Variants in MYL3 observed in about 807,000 individuals in gnomAD.
MYL3 encodes the protein myosin light chain 3.
In MYL3, 11 loss-of-function variants were observed where a neutral mutation model predicts 21.3. The ratio of observed to expected loss-of-function variants is 0.52; its 90% confidence interval spans 0.32 to 0.85. The LOEUF is 0.85. Among genes scored for constraint, MYL3 ranks in the 40% least tolerant of loss-of-function variants. The pLI is 0.03. For synonymous variants in MYL3, 88 were observed against 91.6 expected (o/e 0.96, Z 0.22); for missense variants, 206 against 253.3 (o/e 0.81, Z 1.27).
In MYL3 at chr3:46,859,654, G is replaced by A; in HGVS notation, c.308-6C>T. ...CATCATCTTGGTATTGAGCTCTGCA[G>A]AGAAATGGTCCCAGGTTCCAGGGTC... On this transcript the variant is annotated splice_region_variant and splice_polypyrimidine_tract_variant and intron_variant, in intron 3 of 6. Transcript: ENST00000292327. This position sits in a 1 kb window ranked among gnomAD's most constrained non-coding sequence, Gnocchi z 4.1. 6.2e-7 allele frequency: 1 copy of A among 1,614,178 alleles called. No individual in the cohort carries two copies. Among genetic ancestry groups the A allele is most frequent in the Non-Finnish European group, 8.5e-7 (1 of 1,180,008 alleles).
At chr3:46,873,211 G>A (rs1575501341) in intron 1 of MYL3, among the ~76,000 whole-genome samples, 2 of 152,350 alleles carry the variant, frequency 1.3e-5, no homozygotes, top group Admixed American at 1.3e-4. Flanking sequence ...GCATACAAGA[G>A]CCACCCAGGC....
upstream of MYL3, among the ~76,000 whole-genome samples, chr3:46,864,247 G>T (rs151130026): frequency 2.9e-3 from 439 of 152,190 alleles, 2 homozygotes; most frequent in Middle Eastern, 0.017. This position sits in a 1 kb window ranked among gnomAD's most constrained non-coding sequence, Gnocchi z 4.7. Context: ...ACATGTGTCT[G>T]TATGTGAGTG....
chr3:46,874,354 C>T lies in MYL3; in HGVS notation c.-218+7720G>A, dbSNP rs768291391. ...CATTTAGAGTGAGAGGAAACTGAGGCCCAGAGATTTGGCAAGGCACGACAA... is the reference window on the plus strand; with the variant it reads ...CATTTAGAGTGAGAGGAAACTGAGGTCCAGAGATTTGGCAAGGCACGACAA... On this transcript the variant is annotated intron_variant, in intron 1 of 3. Coordinates refer to the MYL3 transcript ENST00000431168. This position sits in a 1 kb window ranked among gnomAD's most constrained non-coding sequence, Gnocchi z 4.1. 1.3e-5 allele frequency among the ~76,000 whole-genome samples: 2 copies of T among 152,102 alleles called. No individual in the cohort carries two copies. The highest frequency in any genetic ancestry group is 2.9e-5 in the Non-Finnish European group (2 of 68,020).
chr3:46,866,759 C>G (rs1293696130), upstream of MYL3, among the ~76,000 whole-genome samples: 3 of 152,180 alleles, frequency 2.0e-5, no homozygotes, highest in African/African-American at 7.2e-5. Context: ...GACAGGAGCT[C>G]TGGCGGTGCA....
rs569244804 is a variant in MYL3 at position 46,861,210 on chromosome 3, G to A, written c.130-223C>T. Among the ~76,000 whole-genome samples, 58 of 152,110 alleles carry A rather than the reference G, an allele frequency of 3.8e-4. No homozygotes were observed. The highest frequency in any genetic ancestry group is 6.6e-4 in the Non-Finnish European group (45 of 68,010). ...AGAAGGCCTTGAGGCTGTGTGCACC[G>A]AGGCCCTGATGCTCGGTGGACCCTG... On this transcript the variant is annotated intron_variant, in intron 1 of 6. Transcript: ENST00000292327. The surrounding 1 kb of genome is among the most constrained non-coding windows in gnomAD (Gnocchi z 4.2).
rs1182988155 is a variant in MYL3 at position 46,874,437 on chromosome 3, G to C, written c.-218+7637C>G. On this transcript the variant is annotated intron_variant, in intron 1 of 3. Coordinates refer to the MYL3 transcript ENST00000431168. This position sits in a 1 kb window ranked among gnomAD's most constrained non-coding sequence, Gnocchi z 4.1. The stretch of plus-strand genomic sequence containing the variant: ...TAACAGGGCAGGAGTGTCAGGACTA[G>C]GGGTTCTCCACTCGAGGGCTCCCGG... Among the ~76,000 whole-genome samples the C allele has an allele frequency of 6.6e-6, 1 of 152,166 alleles. No homozygotes were observed. Among genetic ancestry groups the C allele is most frequent in the Admixed American group, 6.5e-5 (1 of 15,282 alleles).
intron 1 of MYL3, among the ~76,000 whole-genome samples, chr3:46,870,515 G>A (rs1422637782): frequency 7.2e-5 from 11 of 152,004 alleles, no homozygotes; most frequent in Admixed American, 2.0e-4. Flanking sequence ...CTCTGCCCCC[G>A]CCAGAACCAG....
In MYL3 at chr3:46,879,702, G is replaced by A. The variant is rs145974750; in HGVS notation, c.-218+2372C>T. On this transcript the variant is annotated intron_variant, in intron 1 of 3. Coordinates refer to the MYL3 transcript ENST00000431168. This position sits in a 1 kb window ranked among gnomAD's most constrained non-coding sequence, Gnocchi z 4.7. ...GTCAAGGCTGCTGTGAGCCATGACC[G>A]TGCCACTGCACTCCAGCCTGGGTGA... Among the ~76,000 whole-genome samples the A allele has an allele frequency of 7.4e-3, 1,126 of 152,202 alleles. 17 individuals are homozygous for A. Among genetic ancestry groups the A allele is most frequent in the African/African-American group, 0.025 (1,052 of 41,508 alleles).
chr3:46,878,477 T>C (rs1490520034), intron 1 of MYL3, among the ~76,000 whole-genome samples: 2 of 152,164 alleles, frequency 1.3e-5, no homozygotes, highest in Non-Finnish European at 1.5e-5. Context: ...ATGATGGAGA[T>C]AGAGCTCAGT....
chr3:46,879,855 A>G lies in MYL3; in HGVS notation c.-218+2219T>C, dbSNP rs1006152391. On this transcript the variant is annotated intron_variant, in intron 1 of 3. Coordinates refer to the MYL3 transcript ENST00000431168. This position sits in a 1 kb window ranked among gnomAD's most constrained non-coding sequence, Gnocchi z 4.7. ...GGAGTTTGAAACCAGCCTGGCCAAC[A>G]TGGAGAAACCCCATCTCCACTACAA... 1.9e-4 allele frequency among the ~76,000 whole-genome samples: 29 copies of G among 152,294 alleles called. No homozygotes were observed. Among genetic ancestry groups the G allele is most frequent in the Admixed American group, 1.7e-3 (26 of 15,304 alleles).
rs2030400801 is a variant in MYL3, at chr3:46,879,099, G to C, written c.-218+2975C>G. On this transcript the variant is annotated intron_variant, in intron 1 of 3. Coordinates refer to the MYL3 transcript ENST00000431168. The surrounding 1 kb of genome is among the most constrained non-coding windows in gnomAD (Gnocchi z 4.7). The stretch of plus-strand genomic sequence containing the variant: ...ACTTTAACCAGAGGCCCGAGGGTGA[G>C]AGAGATGATCTGTGGCCCCACCCAC... Among the ~76,000 whole-genome samples the C allele has an allele frequency of 6.6e-6, 1 of 152,194 alleles. No individual in the cohort carries two copies. The highest frequency in any genetic ancestry group is 1.5e-5 in the Non-Finnish European group (1 of 68,022).
At chr3:46,875,814 C>T (rs1290984381) in intron 1 of MYL3, among the ~76,000 whole-genome samples, 1 of 152,222 alleles carries the variant, frequency 6.6e-6, no homozygotes, top group Non-Finnish European at 1.5e-5. Context: ...CTCAGGGAGC[C>T]CCAAAGGGTT....
In MYL3 at chr3:46,858,452, A is replaced by G; in HGVS notation, c.491T>C (p.Leu164Pro). The G allele has an allele frequency of 6.2e-7, 1 of 1,613,372 alleles. No individual in the cohort carries two copies. The change falls in exon 5 of 7, where the codon CTG becomes CCG. Residue 164 changes from leucine (L) to proline (P), a missense_variant. Physicochemically the swap from Leu to Pro is moderately conservative, Grantham distance 98. Transcript: ENST00000292327. The stretch of plus-strand genomic sequence containing the variant: ...CAACTTCTCCACTTCGTCTTCTGTC[A>G]GCCTCTCACCTGGCAGGAGTGGGAG... ...RHVLATLGER[L>P]TEDEVEKLMA...
intron 1 of MYL3, among the ~76,000 whole-genome samples, chr3:46,876,394 T>C (rs887054217): frequency 3.3e-5 from 5 of 152,212 alleles, no homozygotes; most frequent in African/African-American, 1.2e-4. Context: ...AACTGCCCAC[T>C]GACCTCCGCT....
At chr3:46,881,173 A>C (rs1333563334) in intron 1 of MYL3, 2 of 152,290 alleles carry the variant, frequency 1.3e-5, no homozygotes, top group Non-Finnish European at 2.9e-5. Flanking sequence ...CCAGGGCCTC[A>C]TGCATTCGCT....
rs1289184519 is a variant in MYL3 at position 46,874,737 on chromosome 3, A to C, written c.-218+7337T>G. Among the ~76,000 whole-genome samples, 2 of 152,082 alleles carry C rather than the reference A, an allele frequency of 1.3e-5. No homozygotes were observed. The highest frequency in any genetic ancestry group is 2.4e-5 in the African/African-American group (1 of 41,388). ...TATTCCGAGGCACAGACCCCCCCCC[A>C]CACACACAATAGGGACGCACTAGGC... On this transcript the variant is annotated intron_variant, in intron 1 of 3. Transcript: ENST00000431168. This position sits in a 1 kb window ranked among gnomAD's most constrained non-coding sequence, Gnocchi z 4.1.
intron 1 of MYL3, among the ~76,000 whole-genome samples, chr3:46,878,600 C>G (rs570062610): frequency 4.9e-4 from 74 of 152,316 alleles, no homozygotes; most frequent in Non-Finnish European, 9.6e-4. Context: ...TCCCAGAGAA[C>G]CCCTGGTCTG....
At chr3:46,878,994 T>C (rs528979199) in intron 1 of MYL3, among the ~76,000 whole-genome samples, 5 of 152,304 alleles carry the variant, frequency 3.3e-5, no homozygotes, top group South Asian at 2.1e-4. Flanking sequence ...TGGGGCGTGC[T>C]TGTCAAAAAG....
In MYL3 at chr3:46,862,824, C is replaced by T. The variant is rs1189989011; in HGVS notation, c.129+438G>A. ...GAACGAGACCCAGCCTGGACAGGGG[C>T]CCTGCTTCTTCTTACTCCCTATCTC... On this transcript the variant is annotated intron_variant, in intron 1 of 6. Transcript: ENST00000292327. Among the ~76,000 whole-genome samples, 4 of 152,222 alleles carry T rather than the reference C, an allele frequency of 2.6e-5. No homozygotes were observed. In the East Asian group the frequency reaches 5.8e-4, roughly 22 times the overall value.
Sources: allele counts gnomAD v4.1 joint callset (sites outside exome capture counted in the v4.1 genomes callset), GRCh38; gene constraint gnomAD v4.1.1; non-coding constraint Gnocchi (gnomAD v3.1); transcripts MANE v1.5; gene names NCBI Gene and HGNC (gene_info 2026-07-23, HGNC 2026-07-21).